Variants in ZFHX3 observed in about 807,000 individuals in gnomAD.
ZFHX3 encodes zinc finger homeobox protein 3.
Under a neutral mutation model 279.1 loss-of-function variants are expected in ZFHX3, and 42 were observed. The ratio of observed to expected loss-of-function variants is 0.15; its 90% CI spans 0.12 to 0.19. ZFHX3 has a LOEUF of 0.19. Among genes scored for constraint, ZFHX3 ranks in the 10% least tolerant of loss-of-function variants. ZFHX3 has a pLI of 1.00. For synonymous variants in ZFHX3, 2,293 were observed against 1,957.8 expected, an observed-to-expected ratio of 1.17 and a Z score of -4.52; for missense variants, 4,981 against 4,754.0, an observed-to-expected ratio of 1.05 and a Z score of -1.40.
chr16:73,808,643 G>C lies in ZFHX3; in HGVS notation c.-1608+83008C>G, dbSNP rs1476847639. 5 of 152,282 alleles carry C rather than the reference G, an allele frequency of 3.3e-5. No homozygotes were observed. The East Asian group carries it at 9.6e-4, about 29-fold the overall frequency. The allele number at this position is 152,282 out of a possible 1,614,324, so 9.4% of individuals were successfully genotyped here. Reference sequence around the variant, plus strand: ...TGGCATACATAATGGGATGAGCCTGGGTAAGAGATTTAAAAGCTTGAAGCA... The same window carrying C: ...TGGCATACATAATGGGATGAGCCTGCGTAAGAGATTTAAAAGCTTGAAGCA... On this transcript the variant is annotated intron_variant, in intron 1 of 17. Coordinates refer to the ZFHX3 transcript ENST00000641206.
chr16:73,085,807 A>T (rs1484513590), intron 8 of ZFHX3, among the ~76,000 whole-genome samples: 14 of 152,154 alleles, frequency 9.2e-5, no homozygotes, highest in Non-Finnish European at 1.5e-5. Context: ...AAGCACAGGC[A>T]TCAAAAGCAA....
intron 2 of ZFHX3, among the ~76,000 whole-genome samples, chr16:73,616,165 C>T (rs924603535): frequency 6.6e-6 from 1 of 151,874 alleles, no homozygotes; most frequent in Admixed American, 6.6e-5. Context: ...AAAGAATTAA[C>T]TTCAGCTTTT....
In ZFHX3 at chr16:73,629,085, G is replaced by T. The variant is rs886155881; in HGVS notation, c.-1547+51095C>A. On this transcript the variant is annotated intron_variant, in intron 2 of 17. Coordinates refer to the ZFHX3 transcript ENST00000641206. ...GCCCGTGACAAAGTTGATCCCAAAG[G>T]ATAGAGAGCAGTGATGGAAACTATA... 9.2e-5 allele frequency among the ~76,000 whole-genome samples: 14 copies of T among 152,200 alleles called. 1 individual carries two copies. Among genetic ancestry groups the T allele is most frequent in the Admixed American group, 8.5e-4 (13 of 15,278 alleles).
chr16:72,929,502 A>G (rs1249868556), intron 3 of ZFHX3, among the ~76,000 whole-genome samples: 2 of 152,242 alleles, frequency 1.3e-5, no homozygotes, highest in African/African-American at 4.8e-5. Flanking sequence ...CATGAGAACG[A>G]TATGTCTAGA....
chr16:73,029,069 A>G (rs1050862973), intron 1 of ZFHX3, among the ~76,000 whole-genome samples: 1 of 152,114 alleles, frequency 6.6e-6, no homozygotes, highest in Non-Finnish European at 1.5e-5. Flanking sequence ...ACCTTCCTCA[A>G]GCCCAGCAGC....
intron 1 of ZFHX3, among the ~76,000 whole-genome samples, chr16:73,055,698 G>GCACACACACACA (rs71156135): frequency 1.2e-4 from 13 of 109,492 alleles, no homozygotes; most frequent in East Asian, 2.3e-4. Context: ...GCGCGCGCGC[G>GCACACACACACA]CACACACACA....
intron 2 of ZFHX3, among the ~76,000 whole-genome samples, chr16:73,562,632 T>C (rs1256187462): frequency 6.9e-6 from 1 of 145,182 alleles, no homozygotes; most frequent in African/African-American, 2.6e-5. Context: ...GTGAAAAGCC[T>C]CTCTTCATTC....
chr16:73,501,343 C>T (rs1461254390), intron 2 of ZFHX3, among the ~76,000 whole-genome samples: 1 of 152,228 alleles, frequency 6.6e-6, no homozygotes, highest in Non-Finnish European at 1.5e-5. Flanking sequence ...TACACACACT[C>T]ACGTACAGAC....
chr16:72,813,689 T>C (rs1363631351), intron 5 of ZFHX3, among the ~76,000 whole-genome samples: 1 of 152,212 alleles, frequency 6.6e-6, no homozygotes, highest in Non-Finnish European at 1.5e-5. Context: ...TCGAATCGAC[T>C]TCAAACCCAT....
At chr16:73,597,801 A>G (rs572152828) in intron 2 of ZFHX3, among the ~76,000 whole-genome samples, 27 of 152,220 alleles carry the variant, frequency 1.8e-4, no homozygotes, top group Admixed American at 1.4e-3. Flanking sequence ...ATGAATTTCT[A>G]TTGCTTTAAA....
At chr16:73,835,606 G>A (rs963759568) in intron 1 of ZFHX3, among the ~76,000 whole-genome samples, 1 of 151,370 alleles carries the variant, frequency 6.6e-6, no homozygotes, top group African/African-American at 2.4e-5. Context: ...AAGTAGCTGG[G>A]ATTACAGGCA....
At chr16:73,025,326 G>A (rs544342198) in intron 1 of ZFHX3, among the ~76,000 whole-genome samples, 15 of 152,258 alleles carry the variant, frequency 9.9e-5, no homozygotes, top group East Asian at 3.9e-4. Flanking sequence ...GTTAAGAGAG[G>A]GGGCCCGGGA....
At chr16:73,017,353 C>G (rs1191247580) in intron 1 of ZFHX3, among the ~76,000 whole-genome samples, 1 of 152,022 alleles carries the variant, frequency 6.6e-6, no homozygotes, top group Non-Finnish European at 1.5e-5. Context: ...TAGTTTTGCT[C>G]TCATTCAGGG....
rs34481194 is a variant in ZFHX3 at position 73,589,259 on chromosome 16, CAAAAAAAAAAAAAAA to C, written c.-1547+90906_-1547+90920del. Among the ~76,000 whole-genome samples the C allele has an allele frequency of 1.6e-3, 49 of 30,954 alleles. 1 individual carries two copies. The highest frequency in any genetic ancestry group is 6.8e-3 in the African/African-American group (48 of 7,086). 20.3% of individuals were successfully genotyped at this position (30,954 alleles called of 152,430 possible). On this transcript the variant is annotated intron_variant, in intron 2 of 17. Coordinates refer to the ZFHX3 transcript ENST00000641206. Reference sequence around the variant, plus strand: ...TGGGCGACAGAGCAAGATTCTGTCTCAAAAAAAAAAAAAAAAAAAAAAAAAAAAAAGCCAGGTGTG... The same window carrying C: ...TGGGCGACAGAGCAAGATTCTGTCTCAAAAAAAAAAAAAAAGCCAGGTGTG...
At chr16:73,131,362 A>G (rs1332219988) in intron 6 of ZFHX3, among the ~76,000 whole-genome samples, 2 of 152,202 alleles carry the variant, frequency 1.3e-5, no homozygotes, top group Non-Finnish European at 2.9e-5. Flanking sequence ...CTTTCATTCA[A>G]CCCTATGGAA....
At chr16:72,914,173 G>A (rs1000249226) in intron 3 of ZFHX3, among the ~76,000 whole-genome samples, 4 of 152,148 alleles carry the variant, frequency 2.6e-5, no homozygotes, top group Non-Finnish European at 4.4e-5. Context: ...GTTAAAATGC[G>A]GCAGCACCAT....
chr16:72,976,657 C>G (rs1962360689), intron 1 of ZFHX3, among the ~76,000 whole-genome samples: 1 of 152,208 alleles, frequency 6.6e-6, no homozygotes, highest in African/African-American at 2.4e-5. Flanking sequence ...TTCACTATGT[C>G]AACACAATTA....
intron 1 of ZFHX3, among the ~76,000 whole-genome samples, chr16:73,732,828 A>G (rs749455951): frequency 1.9e-4 from 29 of 152,172 alleles, no homozygotes; most frequent in Middle Eastern, 3.2e-3. Context: ...TGGTGGTGAG[A>G]GAAGTATTTG....
intron 2 of ZFHX3, among the ~76,000 whole-genome samples, chr16:73,560,630 G>C (rs1198773262): frequency 1.3e-5 from 2 of 152,198 alleles, no homozygotes; most frequent in African/African-American, 2.4e-5. Context: ...GGTGCGAAGG[G>C]AGTGGCCCAG....
Sources: gnomAD v4.1 joint callset for allele counts (sites outside exome capture counted in the v4.1 genomes callset) on GRCh38, gnomAD v4.1.1 for gene constraint, MANE v1.5 for transcripts, NCBI Gene and HGNC (gene_info 2026-07-23, HGNC 2026-07-21) for gene names.